Variants in JPH4 observed in about 807,000 individuals in gnomAD.
JPH4 encodes the protein junctophilin 4.
In JPH4, 18 loss-of-function variants were observed where a neutral mutation model predicts 57.6. The observed-to-expected ratio is 0.31, with a 90% CI of 0.22 to 0.46. The LOEUF (loss-of-function observed/expected upper bound fraction) is 0.46, where lower values mean the gene tolerates loss of function less well. Ranked by LOEUF, JPH4 falls within the 20% of genes least tolerant of loss-of-function variation. The pLI, the probability that JPH4 is intolerant of heterozygous loss-of-function variation, is 1.00. For synonymous variants in JPH4, 425 were observed against 406.6 expected (o/e 1.05, Z -0.54); for missense variants, 727 against 911.1 (o/e 0.80, Z 2.60).
chr14:23,572,636 G>C (rs1889180153), intron 3 of JPH4, among the ~76,000 whole-genome samples: 1 of 151,964 alleles, frequency 6.6e-6, no homozygotes, highest in Non-Finnish European at 1.5e-5. Context: ...TTATGACACT[G>C]TTCTTCCTCT....
Position 23,576,030 on chromosome 14 carries a change from G to A in JPH4, c.806C>T (p.Ala269Val). ...CGAGCCCTCGATGAGGGCGGGCGGCGCTGCGGCCGGGGGCCCGCTGGCCTC... is the reference window on the plus strand; with the variant it reads ...CGAGCCCTCGATGAGGGCGGGCGGCACTGCGGCCGGGGGCCCGCTGGCCTC... ...GSEASGPPAA[A>V]PPALIEGSAT... The change falls in exon 3 of 6, where the codon GCG (alanine) becomes GTG (valine). Residue 269 changes from alanine (A) to valine (V), a missense_variant. Transcript: ENST00000356300. This position sits in a 1 kb window ranked among gnomAD's most constrained non-coding sequence, Gnocchi z 8.0. 7.5e-7 allele frequency: 1 copy of A among 1,334,988 alleles called. No homozygotes were observed. The highest frequency in any genetic ancestry group is 9.5e-7 in the Non-Finnish European group (1 of 1,049,040). The allele number at this position is 1,334,988 out of a possible 1,614,324, so 82.7% of individuals were successfully genotyped here.
At chr14:23,574,354 T>C (rs2139470083) in intron 3 of JPH4, among the ~76,000 whole-genome samples, 1 of 152,254 alleles carries the variant, frequency 6.6e-6, no homozygotes, top group East Asian at 1.9e-4. Context: ...TTTGTATTTT[T>C]AGTAGACAGG....
rs1271132855 is a variant in JPH4, at chr14:23,575,537, G to A, written c.1151+148C>T. ...AGCCTCGGATATAAACACCAAGAAT[G>A]CCCAGGGGTCCAACTGCCTGGCCTT... On this transcript the variant is annotated intron_variant, in intron 3 of 5. Coordinates refer to ENST00000356300, the MANE Select transcript of JPH4 (RefSeq NM_001146028.2). This position sits in a 1 kb window ranked among gnomAD's most constrained non-coding sequence, Gnocchi z 6.9. The A allele has an allele frequency of 7.2e-6, 7 of 969,034 alleles. No individual in the cohort carries two copies. The highest frequency in any genetic ancestry group is 1.6e-5 in the African/African-American group (1 of 60,944). 60.0% of individuals were successfully genotyped at this position (969,034 alleles called of 1,614,324 possible).
rs1307910153 is a variant in JPH4, at chr14:23,576,816, G to T, written c.379+259C>A. 6.6e-6 allele frequency among the ~76,000 whole-genome samples: 1 copy of T among 152,222 alleles called. No individual in the cohort carries two copies. The highest frequency in any genetic ancestry group is 1.5e-5 in the Non-Finnish European group (1 of 68,040). On this transcript the variant is annotated intron_variant, in intron 2 of 5. Transcript: ENST00000356300. The surrounding 1 kb of genome is among the most constrained non-coding windows in gnomAD (Gnocchi z 8.0). ...CCCGACGGAGAGCAGAGGTGTTGGG[G>T]ACAGGCAGGTAGAGAGGGAGGTGTG... is the stretch of plus-strand genomic sequence containing the variant.
intron 3 of JPH4, among the ~76,000 whole-genome samples, chr14:23,573,996 CA>C (rs1449563438): frequency 6.6e-6 from 1 of 151,358 alleles, no homozygotes; most frequent in Non-Finnish European, 1.5e-5. Flanking sequence ...ACCCATTATA[CA>C]AACTCATTTA....
At chr14:23,574,983 T>C (rs1889238637) in intron 3 of JPH4, 1 of 156,890 alleles carries the variant, frequency 6.4e-6, no homozygotes, top group Non-Finnish European at 1.4e-5. Context: ...AAACTACCTA[T>C]TTGGCTTATA....
Position 23,578,679 on chromosome 14 carries a change from G to A in JPH4, c.-671C>T, listed in dbSNP as rs1889337909. 1 of 151,918 alleles carries A rather than the reference G, an allele frequency of 6.6e-6. No homozygotes were observed. The highest frequency in any genetic ancestry group is 1.5e-5 in the Non-Finnish European group (1 of 68,180). The allele number at this position is 151,918 out of a possible 1,614,324, so 9.4% of individuals were successfully genotyped here. On this transcript the variant is annotated 5_prime_UTR_variant, in exon 1 of 6. Transcript: ENST00000356300. ...GGGTAGAGAAGGATACGGTGAAGAA[G>A]AGACAGCGGCAGTGTTGCGGGTGGT...
chr14:23,576,107 G>T lies in JPH4; in HGVS notation c.729C>A (p.Ser243=). The T allele has an allele frequency of 7.7e-7, 1 of 1,300,434 alleles. No individual in the cohort carries two copies. Among genetic ancestry groups the T allele is most frequent in the Non-Finnish European group, 9.7e-7 (1 of 1,027,234 alleles). 80.6% of individuals were successfully genotyped at this position (1,300,434 alleles called of 1,614,324 possible). ...RRSSLGSKRG[S]LRSEVSSEVG... ...CCTCGCTGCTCACCTCGCTGCGCAG[G>T]GAGCCTCGCTTGCTGCCCAGGGAGC... Residue 243 remains serine (S), a synonymous_variant, in exon 3 of 6, where the codon TCC becomes TCA. Coordinates refer to ENST00000356300, the MANE Select transcript of JPH4 (RefSeq NM_001146028.2). The surrounding 1 kb of genome is among the most constrained non-coding windows in gnomAD (Gnocchi z 8.0).
chr14:23,576,157 C>A lies in JPH4; in HGVS notation c.679G>T (p.Gly227Trp). ...CTGCGACGTCCGCCCGCTCGGAGCC[C>A]GCTGAGCAGCAGCGAACGGCGAAAG... is the stretch of plus-strand genomic sequence containing the variant. Reference protein sequence around the residue: ...GFFRRSLLLSGLRAGGRRSSL... With the variant: ...GFFRRSLLLSWLRAGGRRSSL... The change falls in exon 3 of 6, where the codon GGG (glycine) becomes TGG (tryptophan). Residue 227 changes from glycine (G) to tryptophan (W), a missense_variant. Physicochemically the swap from Gly to Trp is radical, Grantham distance 184. This residue lies in a region of JPH4 where 131 missense variants were observed against 156.5 expected (regional missense o/e 0.84). Transcript: ENST00000356300. This position sits in a 1 kb window ranked among gnomAD's most constrained non-coding sequence, Gnocchi z 8.0. The A allele has an allele frequency of 7.6e-7, 1 of 1,307,440 alleles. No individual in the cohort carries two copies. The highest frequency in any genetic ancestry group is 9.7e-7 in the Non-Finnish European group (1 of 1,027,830). The allele number at this position is 1,307,440 out of a possible 1,614,324, so 81.0% of individuals were successfully genotyped here. A position where few individuals can be genotyped will look rare whatever the true frequency, so the allele number is the denominator to read the frequency against.
chr14:23,571,538 G>T lies in JPH4; in HGVS notation c.1271-78C>A. ...TGGCTGCAGCTTTATTCCTGACTGGGCACTTCCCAGGACTTTGGAATTCCC... is the reference window on the plus strand; with the variant it reads ...TGGCTGCAGCTTTATTCCTGACTGGTCACTTCCCAGGACTTTGGAATTCCC... On this transcript the variant is annotated intron_variant, in intron 4 of 5. Transcript: ENST00000356300. The surrounding 1 kb of genome is among the most constrained non-coding windows in gnomAD (Gnocchi z 4.6). 6.6e-7 allele frequency: 1 copy of T among 1,512,308 alleles called. No homozygotes were observed. Among genetic ancestry groups the T allele is most frequent in the Non-Finnish European group, 8.9e-7 (1 of 1,123,544 alleles). The allele number at this position is 1,512,308 out of a possible 1,614,324, so 93.7% of individuals were successfully genotyped here.
At position 23,568,917 on chromosome 14, in the gene JPH4, AC is replaced by A; in HGVS notation, c.*716del. 1 of 527,092 alleles carries A rather than the reference AC, an allele frequency of 1.9e-6. No individual in the cohort carries two copies. Among genetic ancestry groups the A allele is most frequent in the Non-Finnish European group, 2.4e-6 (1 of 411,088 alleles). 32.7% of individuals were successfully genotyped at this position (527,092 alleles called of 1,614,324 possible). ...CACGTTGCTCTTGGCATGGCATGCC[AC>A]CAGAGGGGGCTGGAGGAGGGGCTGG... On this transcript the variant is annotated 3_prime_UTR_variant, in exon 6 of 6. Transcript: ENST00000356300.
At position 23,571,272 on chromosome 14, in the gene JPH4, C is replaced by T; in HGVS notation, c.1459G>A (p.Gly487Ser). The T allele has an allele frequency of 1.2e-6, 2 of 1,603,596 alleles. No individual in the cohort carries two copies. Among genetic ancestry groups the T allele is most frequent in the Non-Finnish European group, 8.5e-7 (1 of 1,174,636 alleles). ...CAAGCTTTGGGGCTGGAGAAGGGAC[C>T]CTGGTCCCCTCCAGGAGGCAGTGGG... ...RSPLPPGGDQ[G>S]PFSSPKAWPE... is the part of the protein sequence containing the mutation. The change falls in exon 5 of 6, where the codon GGT becomes AGT. Residue 487 changes from glycine to serine, a missense_variant. Around this residue, in one of 7 missense-constraint regions of JPH4, gnomAD observed 293 missense variants for 279.8 expected, o/e 1.05. Coordinates refer to ENST00000356300, the MANE Select transcript of JPH4 (RefSeq NM_001146028.2). This position sits in a 1 kb window ranked among gnomAD's most constrained non-coding sequence, Gnocchi z 4.6.
At position 23,569,516 on chromosome 14, in the gene JPH4, G is replaced by A. The variant is rs1595391051; in HGVS notation, c.*118C>T. On this transcript the variant is annotated 3_prime_UTR_variant, in exon 6 of 6. Coordinates refer to ENST00000356300, the MANE Select transcript of JPH4 (RefSeq NM_001146028.2). This position sits in a 1 kb window ranked among gnomAD's most constrained non-coding sequence, Gnocchi z 4.8. ...AAAACAAAGGAGCACAGAAAAGAAA[G>A]GAAGAAGAGAAAGAAAGATAGGAGA... is the stretch of plus-strand genomic sequence containing the variant. 2 of 722,748 alleles carry A rather than the reference G, an allele frequency of 2.8e-6. No individual in the cohort carries two copies. The highest frequency in any genetic ancestry group is 4.9e-6 in the Non-Finnish European group (2 of 405,678). The allele number at this position is 722,748 out of a possible 1,614,324, so 44.8% of individuals were successfully genotyped here. A position where few individuals can be genotyped will look rare whatever the true frequency, so the allele number is the denominator to read the frequency against.
Position 23,569,647 on chromosome 14 carries a change from T to C in JPH4, c.1874A>G (p.Gln625Arg). The part of the protein sequence containing the change: ...LDLSLAFLFS[Q>R]LLT ...CAGGAAGTAGCCTCAGGTGAGGAGC[T>C]GGGAGAACAGGAATGCCAGGCTGAG... is the stretch of plus-strand genomic sequence containing the variant. Residue 625 changes from glutamine (Q) to arginine (R), a missense_variant, in exon 6 of 6, where the codon CAG (glutamine) becomes CGG (arginine). Physicochemically the swap from Gln to Arg is conservative, Grantham distance 43 (BLOSUM62 1). Transcript: ENST00000356300. This position sits in a 1 kb window ranked among gnomAD's most constrained non-coding sequence, Gnocchi z 4.8. 6.4e-7 allele frequency: 1 copy of C among 1,552,618 alleles called. No homozygotes were observed. The highest frequency in any genetic ancestry group is 8.7e-7 in the Non-Finnish European group (1 of 1,147,724).
Position 23,577,147 on chromosome 14 carries a change from C to G in JPH4, c.307G>C (p.Gly103Arg). ...TTCCAGAGCCCGGCGTAGCGCAGGC[C>G]GGACACGCTTTCCCACACGCCGCTG... is the stretch of plus-strand genomic sequence containing the variant. ...GRSGVWESVS[G>R]LRYAGLWKDG... Residue 103 changes from glycine to arginine, a missense_variant, in exon 2 of 6, where the codon GGC becomes CGC. Gly to Arg is a moderately radical substitution (Grantham distance 125). Coordinates refer to ENST00000356300, the MANE Select transcript of JPH4 (RefSeq NM_001146028.2). This position sits in a 1 kb window ranked among gnomAD's most constrained non-coding sequence, Gnocchi z 8.4. 2 of 1,542,732 alleles carry G rather than the reference C, an allele frequency of 1.3e-6. No individual in the cohort carries two copies. The highest frequency in any genetic ancestry group is 1.2e-5 in the South Asian group (1 of 83,990).
At chr14:23,572,913 G>A (rs778685813) in intron 3 of JPH4, 2 of 702,592 alleles carry the variant, frequency 2.8e-6, no homozygotes, top group South Asian at 3.0e-5. Flanking sequence ...TCCCTGTGAT[G>A]TCAGATGCTT....
In JPH4 at chr14:23,571,527, TTCC is replaced by T; in HGVS notation, c.1271-70_1271-68del. On this transcript the variant is annotated intron_variant, in intron 4 of 5. Transcript: ENST00000356300. This position sits in a 1 kb window ranked among gnomAD's most constrained non-coding sequence, Gnocchi z 4.6. ...TTGGGCTGGAGTGGCTGCAGCTTTA[TTCC>T]TGACTGGGCACTTCCCAGGACTTTG... 1 of 1,539,940 alleles carries T rather than the reference TTCC, an allele frequency of 6.5e-7. No individual in the cohort carries two copies. Among genetic ancestry groups the T allele is most frequent in the Non-Finnish European group, 8.7e-7 (1 of 1,144,578 alleles).
Position 23,571,175 on chromosome 14 carries a change from CCAGCCTCATCCT to C in JPH4, c.1544_1555del (p.Glu515_Ala518del). On this transcript the variant is annotated inframe_deletion, in exon 5 of 6. Transcript: ENST00000356300. The surrounding 1 kb of genome is among the most constrained non-coding windows in gnomAD (Gnocchi z 4.6). ...GTCTCTGGGCCCTGGCCCTTGCATC[CCAGCCTCATCCT>C]CAGCCTCATAGCCAGCTAGTTCCTC... is the stretch of plus-strand genomic sequence containing the variant. 1.2e-6 allele frequency: 2 copies of C among 1,614,092 alleles called. No individual in the cohort carries two copies. Among genetic ancestry groups the C allele is most frequent in the Admixed American group, 1.7e-5 (1 of 60,014 alleles).
intron 3 of JPH4, among the ~76,000 whole-genome samples, chr14:23,573,937 AACACACACACACAC>A (rs35127620): frequency 7.0e-6 from 1 of 143,088 alleles, no homozygotes; most frequent in Admixed American, 7.1e-5. Context: ...CTCTCTCTGT[AACACACACACACAC>A]ACACACACAC....
Sources: allele counts gnomAD v4.1 joint callset (sites outside exome capture counted in the v4.1 genomes callset), GRCh38; gene constraint gnomAD v4.1.1; regional missense constraint gnomAD v4.1.1; non-coding constraint Gnocchi (gnomAD v3.1); transcripts MANE v1.5; gene names NCBI Gene and HGNC (gene_info 2026-07-23, HGNC 2026-07-21).